CLNK: variants seen among roughly 807,000 people sequenced by gnomAD.
CLNK encodes cytokine dependent hematopoietic cell linker.
In CLNK, 74 loss-of-function variants were observed where a neutral mutation model predicts 68.6. The ratio of observed to expected loss-of-function variants is 1.08; its 90% CI spans 0.89 to 1.31. CLNK has a LOEUF of 1.31. CLNK is among the 50% of genes most tolerant of loss of function. The probability of loss-of-function intolerance (pLI) is 0.00; values close to 1 mark genes in which losing one functional copy is unlikely to be tolerated. For synonymous variants in CLNK, 198 were observed against 172.2 expected (o/e 1.15, Z -1.17); for missense variants, 553 against 515.3 (o/e 1.07, Z -0.71).
chr4:10,525,529 T>C (rs1718277802), intron 14 of CLNK, among the ~76,000 whole-genome samples: 1 of 152,258 alleles, frequency 6.6e-6, no homozygotes, highest in Non-Finnish European at 1.5e-5. Flanking sequence ...CAACCCTGAA[T>C]AGTTTGAAAC....
intron 2 of CLNK, among the ~76,000 whole-genome samples, chr4:10,629,679 T>G (rs1471738666): frequency 6.6e-6 from 1 of 151,874 alleles, no homozygotes; most frequent in Non-Finnish European, 1.5e-5. Context: ...CAGGCCAATG[T>G]CTCTCAAGCC....
the CLNK span, among the ~76,000 whole-genome samples, chr4:10,715,891 T>A: frequency 6.6e-6 from 1 of 152,154 alleles, no homozygotes; most frequent in Non-Finnish European, 1.5e-5. Context: ...GGAAAATGCA[T>A]TAAGAGCTCG....
At chr4:10,588,787 A>G (rs1442046461) in intron 3 of CLNK, among the ~76,000 whole-genome samples, 1 of 152,110 alleles carries the variant, frequency 6.6e-6, no homozygotes, top group African/African-American at 2.4e-5. Flanking sequence ...AAACTCATAG[A>G]GGCAAATATA....
intron 2 of CLNK, among the ~76,000 whole-genome samples, chr4:10,599,639 G>A (rs373590436): frequency 3.3e-5 from 5 of 152,102 alleles, no homozygotes; most frequent in South Asian, 4.2e-4. Flanking sequence ...TTTTCCTAGC[G>A]AGAAGCTCCA....
Position 10,625,575 on chromosome 4 carries a change from G to C in CLNK, c.12-27526C>G, listed in dbSNP as rs367625854. Reference sequence around the variant, plus strand: ...AGAGACAGAGAAGGACAGACACAGAGAGATACAGAGAGACAGGGTCAGAAA... The same window carrying C: ...AGAGACAGAGAAGGACAGACACAGACAGATACAGAGAGACAGGGTCAGAAA... On this transcript the variant is annotated intron_variant, in intron 2 of 18. Transcript: ENST00000226951. Among the ~76,000 whole-genome samples, 10 of 152,176 alleles carry C rather than the reference G, an allele frequency of 6.6e-5. No homozygotes were observed. The South Asian group carries it at 1.5e-3, about 22-fold the overall frequency.
intron 2 of CLNK, among the ~76,000 whole-genome samples, chr4:10,629,245 T>G (rs1722794596): frequency 6.6e-6 from 1 of 152,204 alleles, no homozygotes; most frequent in Admixed American, 6.5e-5. Context: ...CTGCCTTTCG[T>G]GAGTTGATTT....
intron 3 of CLNK, among the ~76,000 whole-genome samples, chr4:10,588,866 C>G (rs1040989885): frequency 6.6e-6 from 1 of 151,784 alleles, no homozygotes; most frequent in East Asian, 1.9e-4. Flanking sequence ...ATACTACATA[C>G]AATGTATTAT....
At chr4:10,721,167 GTGGGGGCTC>G in the CLNK span, among the ~76,000 whole-genome samples, 2 of 150,858 alleles carry the variant, frequency 1.3e-5, no homozygotes, top group African/African-American at 4.9e-5. Context: ...GAGGAGGGAG[GTGGGGGCTC>G]TGAGGAGGGA....
chr4:10,666,523 A>C (rs1254269344), intron 2 of CLNK, among the ~76,000 whole-genome samples: 4 of 152,232 alleles, frequency 2.6e-5, no homozygotes, highest in Non-Finnish European at 4.4e-5. Flanking sequence ...AGGAGCACTG[A>C]ACTGGGAGTC....
chr4:10,549,326 A>G (rs1719357051), intron 8 of CLNK, among the ~76,000 whole-genome samples: 1 of 152,238 alleles, frequency 6.6e-6, no homozygotes, highest in Non-Finnish European at 1.5e-5. Context: ...ACCATTATAC[A>G]GCTTTGATGG....
chr4:10,686,917 A>C (rs1179610738), upstream of CLNK, among the ~76,000 whole-genome samples: 2 of 152,086 alleles, frequency 1.3e-5, no homozygotes, highest in Non-Finnish European at 2.9e-5. Flanking sequence ...TTTTTCTTGG[A>C]ATATCATTCA....
At chr4:10,728,747 C>T in the CLNK span, among the ~76,000 whole-genome samples, 6 of 152,014 alleles carry the variant, frequency 3.9e-5, no homozygotes, top group Admixed American at 3.9e-4. Context: ...TGCCACCACG[C>T]CTGGCTAATT....
intron 17 of CLNK, among the ~76,000 whole-genome samples, chr4:10,505,245 AC>A (rs1717244912): frequency 6.6e-6 from 1 of 152,032 alleles, no homozygotes; most frequent in Non-Finnish European, 1.5e-5. Context: ...TCAGCCAACC[AC>A]CCACGGCTCT....
intron 1 of CLNK, among the ~76,000 whole-genome samples, chr4:10,679,939 T>C (rs1054148284): frequency 7.9e-5 from 12 of 152,258 alleles, no homozygotes; most frequent in South Asian, 2.1e-4. Flanking sequence ...CTAGTTCAAC[T>C]ATTGTGGAAG....
At chr4:10,661,197 GTTTACATGGAGT>G (rs561823624) in intron 2 of CLNK, among the ~76,000 whole-genome samples, 21 of 152,322 alleles carry the variant, frequency 1.4e-4, no homozygotes, top group Admixed American at 3.3e-4. Context: ...ATGATCTGGA[GTTTACATGGAGT>G]TTTATCATTC....
intron 2 of CLNK, among the ~76,000 whole-genome samples, chr4:10,663,878 C>G (rs1014551650): frequency 1.1e-4 from 16 of 152,054 alleles, no homozygotes; most frequent in Admixed American, 6.6e-4. Flanking sequence ...AAAAGAGGTC[C>G]CAGAGACATT....
chr4:10,513,443 G>A, intron 16 of CLNK, 21 bp downstream of exon 16: 1 of 1,604,284 alleles, frequency 6.2e-7, no homozygotes, highest in Admixed American at 1.7e-5. Flanking sequence ...AGAAGGACTT[G>A]GCAGAGAAGT....
chr4:10,521,530 A>G (rs1186371374), intron 14 of CLNK, among the ~76,000 whole-genome samples: 4 of 152,246 alleles, frequency 2.6e-5, no homozygotes, highest in South Asian at 2.1e-4. Flanking sequence ...GTGATGCTCT[A>G]TTCCAAGGAC....
intron 18 of CLNK, among the ~76,000 whole-genome samples, chr4:10,497,788 G>A (rs1285280450): frequency 6.6e-6 from 1 of 152,228 alleles, no homozygotes; most frequent in Admixed American, 6.5e-5. Context: ...CCATGTGAGA[G>A]CAAATTAAAC....
Sources: gnomAD v4.1 joint callset for allele counts (sites outside exome capture counted in the v4.1 genomes callset) on GRCh38, gnomAD v4.1.1 for gene constraint, MANE v1.5 for transcripts, NCBI Gene and HGNC (gene_info 2026-07-23, HGNC 2026-07-21) for gene names.